The following MS4A4A variants were observed in gnomAD, a reference collection of about 807,000 sequenced individuals.
MS4A4A encodes membrane-spanning 4-domains subfamily A member 4A.
A neutral mutation model predicts 28.0 loss-of-function variants in MS4A4A; 26 were observed. The ratio of observed to expected loss-of-function variants is 0.93; its 90% CI spans 0.68 to 1.29. The LOEUF is 1.29. Among genes scored for constraint, MS4A4A ranks in the 50% most tolerant of loss-of-function variants. MS4A4A has a pLI of 0.00. For missense variants in MS4A4A, 290 were observed against 293.1 expected (o/e 0.99, Z 0.08); for synonymous variants, 86 against 100.8 (o/e 0.85, Z 0.88).
intron 3 of MS4A4A, among the ~76,000 whole-genome samples, chr11:60,298,135 A>G (rs2084922119): frequency 6.6e-6 from 1 of 151,980 alleles, no homozygotes; most frequent in South Asian, 2.1e-4. Context: ...AAAACACAAG[A>G]TAGTTTTAAT....
At chr11:60,300,603 G>C (rs7127750) in intron 3 of MS4A4A, among the ~76,000 whole-genome samples, 130,669 of 136,274 alleles carry the variant, frequency 0.96, 62,809 homozygotes, top group Non-Finnish European at 1. Flanking sequence ...GCGACAGAGC[G>C]AGACTCCGTC....
chr11:60,289,337 TGGGA>T (rs1214234500), intron 1 of MS4A4A, among the ~76,000 whole-genome samples: 1 of 152,096 alleles, frequency 6.6e-6, no homozygotes, highest in Non-Finnish European at 1.5e-5. Context: ...ATGGTGGTGA[TGGGA>T]GCTGCTGGGG....
intron 1 of MS4A4A, among the ~76,000 whole-genome samples, chr11:60,285,313 G>T (rs985759628): frequency 6.6e-6 from 1 of 152,136 alleles, no homozygotes; most frequent in Non-Finnish European, 1.5e-5. Context: ...AGACCAGCTT[G>T]GGTAACATAG....
chr11:60,302,474 A>G, intron 4 of MS4A4A, 85 bp from the exon 5 acceptor site: 4 of 1,328,308 alleles, frequency 3.0e-6, no homozygotes, highest in Admixed American at 4.2e-5. Context: ...TGGCAGTAAG[A>G]AAGAGATGGT....
At chr11:60,299,736 C>T (rs2084936182) in intron 3 of MS4A4A, among the ~76,000 whole-genome samples, 1 of 152,172 alleles carries the variant, frequency 6.6e-6, no homozygotes, top group Admixed American at 6.5e-5. Context: ...GCTGGGATTA[C>T]AAGCGTGTGC....
chr11:60,303,445 C>T lies in MS4A4A; in HGVS notation c.546+728C>T, dbSNP rs192968291. ...AAGCCTGGCAGGGCGCAGTGGCTCA[C>T]GCCTGTAATCCCAGCACTTTGGGAA... On this transcript the variant is annotated intron_variant, in intron 5 of 6. Transcript: ENST00000337908. Among the ~76,000 whole-genome samples, 4 of 152,264 alleles carry T rather than the reference C, an allele frequency of 2.6e-5. No individual in the cohort carries two copies. The East Asian group carries it at 7.7e-4, about 29-fold the overall frequency.
chr11:60,305,965 G>A (rs191069803), intron 5 of MS4A4A, 135 bp from the exon 6 acceptor site: 3 of 650,084 alleles, frequency 4.6e-6, no homozygotes, highest in East Asian at 5.3e-5. Context: ...TTGGTCAAGG[G>A]TATGGCTGCC....
chr11:60,304,372 A>G (rs2084979397), intron 5 of MS4A4A, among the ~76,000 whole-genome samples: 1 of 152,246 alleles, frequency 6.6e-6, no homozygotes. Flanking sequence ...CTATCTTAAA[A>G]TTGTTTTTAA....
chr11:60,301,141 G>T, intron 4 of MS4A4A, 84 bp downstream of exon 4: 1 of 1,112,072 alleles, frequency 9.0e-7, no homozygotes. Context: ...AACAGGTTTT[G>T]TTTCTTTGTT....
intron 1 of MS4A4A, among the ~76,000 whole-genome samples, chr11:60,287,652 C>T (rs1301099645): frequency 3.9e-5 from 6 of 152,126 alleles, no homozygotes; most frequent in Non-Finnish European, 8.8e-5. Flanking sequence ...AGCATTGACT[C>T]TAAAGTTCTA....
chr11:60,294,892 A>ACTACTACTACTTCTT (rs60374079), intron 2 of MS4A4A, among the ~76,000 whole-genome samples: 5 of 130,846 alleles, frequency 3.8e-5, no homozygotes, highest in African/African-American at 5.8e-5. Flanking sequence ...TACAACTACT[A>ACTACTACTACTTCTT]CTTCTTCTTC....
chr11:60,298,039 A>AATTAATATTAAATTAATTATAACTATT (rs2084921120), intron 3 of MS4A4A, among the ~76,000 whole-genome samples: 1 of 150,386 alleles, frequency 6.6e-6, no homozygotes, highest in East Asian at 1.9e-4. Flanking sequence ...TAATTATTAT[A>AATTAATATTAAATTAATTATAACTATT]ATTAATATTA....
chr11:60,295,974 T>C (rs888827432), intron 2 of MS4A4A, among the ~76,000 whole-genome samples: 3 of 152,080 alleles, frequency 2.0e-5, no homozygotes, highest in Non-Finnish European at 4.4e-5. Context: ...TTTTGAATGA[T>C]TTTTGGTAGA....
rs2084915519 is a variant in MS4A4A at position 60,297,380 on chromosome 11, C to A, written c.330+55C>A. On this transcript the variant is annotated intron_variant, in intron 3 of 6. Transcript: ENST00000337908. ...AGATAACATAAAGCAGTTGTCAATA[C>A]CCTGATCTTTGGAATCCTATTCTAA... 3.2e-6 allele frequency: 5 copies of A among 1,584,006 alleles called. No individual in the cohort carries two copies. In the East Asian group the frequency reaches 9.0e-5, roughly 29 times the overall value.
Position 60,284,038 on chromosome 11 carries a change from T to A in MS4A4A, c.41+3322T>A, listed in dbSNP as rs550245622. Among the ~76,000 whole-genome samples, 159 of 152,344 alleles carry A rather than the reference T, an allele frequency of 1.0e-3. No homozygotes were observed. The Middle Eastern group carries it at 0.014, about 13-fold the overall frequency. ...TAGATAATGCTGCTAAGAAAATTAA[T>A]TGTACAAGTTTTTGTGCAAACAAGA... is the stretch of plus-strand genomic sequence containing the variant. On this transcript the variant is annotated intron_variant, in intron 1 of 6. Transcript: ENST00000337908.
At chr11:60,294,260 C>T (rs959285941) in intron 2 of MS4A4A, among the ~76,000 whole-genome samples, 3 of 152,096 alleles carry the variant, frequency 2.0e-5, no homozygotes, top group Admixed American at 1.3e-4. Context: ...TATCTTCTTT[C>T]GTAAGGTGTC....
intron 5 of MS4A4A, among the ~76,000 whole-genome samples, chr11:60,303,327 G>C (rs550993046): frequency 6.6e-6 from 1 of 152,238 alleles, no homozygotes; most frequent in East Asian, 1.9e-4. Flanking sequence ...AAAACTTCTT[G>C]ATATTTTGGG....
chr11:60,281,882 A>G (rs531183683), intron 1 of MS4A4A, among the ~76,000 whole-genome samples: 13 of 152,136 alleles, frequency 8.5e-5, no homozygotes, highest in Non-Finnish European at 1.3e-4. Context: ...TTCTTCTCCA[A>G]CCTGGAAGAA....
intron 5 of MS4A4A, 71 bp downstream of exon 5, chr11:60,302,788 C>T: frequency 2.2e-6 from 3 of 1,384,774 alleles, no homozygotes; most frequent in Non-Finnish European, 3.0e-6. Context: ...CTGGCAAAGA[C>T]AATAATTAAT....
Sources: allele counts gnomAD v4.1 joint callset (sites outside exome capture counted in the v4.1 genomes callset), GRCh38; gene constraint gnomAD v4.1.1; transcripts MANE v1.5; gene names NCBI Gene and HGNC (gene_info 2026-07-23, HGNC 2026-07-21).